Variants in SBK1 observed in about 807,000 individuals in gnomAD.
SBK1 encodes serine/threonine-protein kinase SBK1.
Under a neutral mutation model 24.4 loss-of-function variants are expected in SBK1, and 11 were observed. The observed-to-expected ratio is 0.45, with a 90% confidence interval of 0.28 to 0.75. The LOEUF (loss-of-function observed/expected upper bound fraction) is 0.75. SBK1 is among the 30% of genes least tolerant of loss of function. SBK1 has a pLI of 0.12. For missense variants in SBK1, 467 were observed against 620.5 expected (o/e 0.75, Z 2.63); for synonymous variants, 308 against 284.4 (o/e 1.08, Z -0.83).
intron 1 of SBK1, among the ~76,000 whole-genome samples, chr16:28,316,424 TC>T (rs958631694): frequency 6.6e-6 from 1 of 152,156 alleles, no homozygotes; most frequent in Non-Finnish European, 1.5e-5. Flanking sequence ...CCATGCTGTG[TC>T]CTCCAGGCTT....
At chr16:28,280,347 T>A (rs12926659) in intron 1 of SBK1, among the ~76,000 whole-genome samples, 36 of 133,004 alleles carry the variant, frequency 2.7e-4, no homozygotes, top group Admixed American at 7.0e-4. Context: ...TATATATATA[T>A]AAAATATATA....
chr16:28,274,265 C>T (rs941609478), intron 1 of SBK1, among the ~76,000 whole-genome samples: 1 of 152,120 alleles, frequency 6.6e-6, no homozygotes, highest in African/African-American at 2.4e-5. Context: ...ACAAGTGCAC[C>T]ACGCTGATAC....
intron 1 of SBK1, among the ~76,000 whole-genome samples, chr16:28,281,570 G>T (rs1336806635): frequency 2.6e-5 from 4 of 152,196 alleles, no homozygotes; most frequent in East Asian, 3.8e-4. Context: ...GGACAGGCTG[G>T]GTGGCAGGGT....
At chr16:28,308,450 C>CTTTT (rs59880320) in intron 1 of SBK1, among the ~76,000 whole-genome samples, 5 of 40,010 alleles carry the variant, frequency 1.2e-4, no homozygotes, top group African/African-American at 3.3e-4. Context: ...CATGCTTGGG[C>CTTTT]TTTTTTTTTT....
intron 1 of SBK1, among the ~76,000 whole-genome samples, chr16:28,273,242 C>G (rs1210687137): frequency 6.6e-6 from 1 of 150,672 alleles, no homozygotes; most frequent in Non-Finnish European, 1.5e-5. Flanking sequence ...TCTTTTGAGA[C>G]AGAGTTTCTT....
At chr16:28,304,647 G>A (rs1041271888) in intron 1 of SBK1, among the ~76,000 whole-genome samples, 40 of 151,676 alleles carry the variant, frequency 2.6e-4, no homozygotes, top group Admixed American at 1.3e-4. Context: ...TTGCTCTGTC[G>A]CCCAGGCTGG....
At chr16:28,274,193 C>G (rs139653510) in intron 1 of SBK1, among the ~76,000 whole-genome samples, 3 of 151,976 alleles carry the variant, frequency 2.0e-5, no homozygotes, top group Non-Finnish European at 4.4e-5. Context: ...GAATGAGCCC[C>G]GATGATGTAA....
At chr16:28,304,983 C>G (rs559020383) in intron 1 of SBK1, among the ~76,000 whole-genome samples, 4 of 152,136 alleles carry the variant, frequency 2.6e-5, no homozygotes, top group Admixed American at 2.0e-4. Context: ...CATCCCAGCT[C>G]ACTACAATCT....
rs1318179191 is a variant in SBK1 at position 28,292,628 on chromosome 16, G to A, written c.-680G>A. 10 of 982,614 alleles carry A rather than the reference G, an allele frequency of 1.0e-5. No homozygotes were observed. The highest frequency in any genetic ancestry group is 1.2e-5 in the Non-Finnish European group (10 of 828,814). The allele number at this position is 982,614 out of a possible 1,614,324, so 60.9% of individuals were successfully genotyped here. On this transcript the variant is annotated 5_prime_UTR_variant, in exon 1 of 4. Transcript: ENST00000341901. ...AGCCGGAGCCCGGGCCAGGCCGGGG[G>A]CCGGGAGCGCAGGGCCGGGCTGCTC...
chr16:28,310,584 C>G (rs185212135), intron 1 of SBK1, among the ~76,000 whole-genome samples: 2 of 152,194 alleles, frequency 1.3e-5, no homozygotes, highest in Non-Finnish European at 2.9e-5. Flanking sequence ...CTGCTCACAC[C>G]TGTAATCCCA....
In SBK1 at chr16:28,293,130, G is replaced by A; in HGVS notation, c.-178G>A. 2.0e-6 allele frequency: 2 copies of A among 985,668 alleles called. No homozygotes were observed. The allele number at this position is 985,668 out of a possible 1,614,324, so 61.1% of individuals were successfully genotyped here. A position where few individuals can be genotyped will look rare whatever the true frequency, so the allele number is the denominator to read the frequency against. On this transcript the variant is annotated 5_prime_UTR_variant, in exon 1 of 4. Transcript: ENST00000341901. ...CAAGAGACACTCTCACCAGCAAGAA[G>A]CCTCGGGGATCCCCCCCCTAAAGCT...
At chr16:28,310,154 TGGA>T (rs1308660247) in intron 1 of SBK1, among the ~76,000 whole-genome samples, 3 of 152,196 alleles carry the variant, frequency 2.0e-5, no homozygotes, top group Non-Finnish European at 4.4e-5. Context: ...AGATGGCAGA[TGGA>T]GGCCTCCCTC....
At chr16:28,260,867 A>G (rs755901151) in intron 1 of SBK1, among the ~76,000 whole-genome samples, 11 of 152,088 alleles carry the variant, frequency 7.2e-5, no homozygotes, top group Admixed American at 3.3e-4. Flanking sequence ...AAAACAGACC[A>G]CCTCTGCCCA....
intron 1 of SBK1, among the ~76,000 whole-genome samples, chr16:28,297,862 C>A (rs559096729): frequency 6.6e-6 from 1 of 152,192 alleles, no homozygotes; most frequent in South Asian, 2.1e-4. Flanking sequence ...CCCTGGGAGG[C>A]AGGATAGCAT....
chr16:28,300,902 C>T (rs984382781), intron 1 of SBK1, among the ~76,000 whole-genome samples: 7 of 152,142 alleles, frequency 4.6e-5, no homozygotes, highest in Non-Finnish European at 8.8e-5. Flanking sequence ...GAACCTGGAC[C>T]GCAGGCTCCT....
At chr16:28,295,666 A>G (rs9889107) in intron 1 of SBK1, among the ~76,000 whole-genome samples, 106,700 of 151,976 alleles carry the variant, frequency 0.7, 38,377 homozygotes, top group South Asian at 0.82. Context: ...TGTTGGTCCA[A>G]TGTATTTTAC....
rs55860114 is a variant in SBK1 at position 28,321,182 on chromosome 16, AACACACACACACAC to A, written c.*304_*317del. 5.8e-3 allele frequency: 1,118 copies of A among 192,046 alleles called. 23 individuals carry two copies. Among genetic ancestry groups the A allele is most frequent in the Admixed American group, 0.031 (440 of 14,286 alleles). 11.9% of individuals were successfully genotyped at this position (192,046 alleles called of 1,614,324 possible). A position where few individuals can be genotyped will look rare whatever the true frequency, so the allele number is the denominator to read the frequency against. ...CCCGAGAATTCGGAGGCCACCACAC[AACACACACACACAC>A]ACACACACACACACACACACACACA... On this transcript the variant is annotated 3_prime_UTR_variant, in exon 4 of 4. Coordinates refer to ENST00000341901, the MANE Select transcript of SBK1 (RefSeq NM_001024401.3).
intron 1 of SBK1, among the ~76,000 whole-genome samples, chr16:28,299,021 C>CT (rs2141579707): frequency 6.6e-6 from 1 of 152,330 alleles, no homozygotes; most frequent in African/African-American, 2.4e-5. Context: ...AGAGAGGAGA[C>CT]TTTTCCACCT....
chr16:28,311,110 T>G (rs2044751915), intron 1 of SBK1, among the ~76,000 whole-genome samples: 2 of 151,854 alleles, frequency 1.3e-5, no homozygotes, highest in African/African-American at 4.8e-5. Context: ...GAGGGGACAG[T>G]AGGGGGACTC....
Sources: allele counts gnomAD v4.1 joint callset (sites outside exome capture counted in the v4.1 genomes callset), GRCh38; gene constraint gnomAD v4.1.1; transcripts MANE v1.5; gene names NCBI Gene and HGNC (gene_info 2026-07-23, HGNC 2026-07-21).